SLC2A3: variants seen among roughly 807,000 people sequenced by gnomAD.
The protein encoded by SLC2A3 is solute carrier family 2 member 3, also known as solute carrier family 2, facilitated glucose transporter member 3.
Under a neutral mutation model 46.4 loss-of-function variants are expected in SLC2A3, and 21 were observed. The observed-to-expected ratio is 0.45, with a 90% CI of 0.32 to 0.65. The LOEUF is 0.65. Ranked by LOEUF, SLC2A3 falls within the 30% of genes least tolerant of loss-of-function variation. The pLI is 0.04. For synonymous variants in SLC2A3, 213 were observed against 239.4 expected (o/e 0.89, Z 1.02); for missense variants, 499 against 623.3 (o/e 0.80, Z 2.12).
chr12:7,922,328 G>C (rs112090200), intron 9 of SLC2A3, among the ~76,000 whole-genome samples: 4,431 of 152,180 alleles, frequency 0.029, 207 homozygotes, highest in African/African-American at 0.099. Context: ...GCCTCTCAAA[G>C]TGCTGGAATT....
chr12:7,929,775 A>C lies in SLC2A3; in HGVS notation c.770T>G (p.Val257Gly), dbSNP rs536536897. The C allele has an allele frequency of 5.0e-6, 8 of 1,613,728 alleles. No individual in the cohort carries two copies. Among genetic ancestry groups the C allele is most frequent in the Non-Finnish European group, 6.8e-6 (8 of 1,179,716 alleles). Residue 257 changes from valine (V) to glycine (G), a missense_variant, in exon 6 of 10, where the codon GTG (valine) becomes GGG (glycine). Around this residue, in one of 5 missense-constraint regions of SLC2A3, gnomAD observed 65 missense variants for 88.4 expected, o/e 0.74. Transcript: ENST00000075120. ...ARMSQEKQVT[V>G]LELFRVSSYR... ...GCTGGACACTCTAAAGAGCTCTAGC[A>C]CGGTGACTTGCTTTTCTTGTGACAT...
chr12:7,929,453 CTT>C (rs11294774), intron 6 of SLC2A3: 570 of 488,990 alleles, frequency 1.2e-3, no homozygotes, highest in South Asian at 1.4e-3. Flanking sequence ...CTTCCAGGGT[CTT>C]TTTTTTTTTT....
chr12:7,929,711 G>C lies in SLC2A3; in HGVS notation c.834C>G (p.Leu278=). ...CATTGATCCCAGAGAGCTGCTGAGA[G>C]AGCTGGAGCACAATGGAAATGATGA... is the stretch of plus-strand genomic sequence containing the variant. ...QPIIISIVLQ[L]SQQLSGINAV... The change falls in exon 6 of 10, where the codon CTC becomes CTG. Residue 278 remains leucine (L), a synonymous_variant. Coordinates refer to ENST00000075120, the MANE Select transcript of SLC2A3 (RefSeq NM_006931.3). 1.2e-6 allele frequency: 2 copies of C among 1,613,430 alleles called. No homozygotes were observed. The highest frequency in any genetic ancestry group is 1.7e-6 in the Non-Finnish European group (2 of 1,179,596).
Position 7,936,165 on chromosome 12 carries a change from A to C in SLC2A3, c.-131T>G. Reference sequence around the variant, plus strand: ...CTCCACGTCCTCAGGAAGGATCCAAAGTCTTACCATTACAGCATCTCTGGG... The same window carrying C: ...CTCCACGTCCTCAGGAAGGATCCAACGTCTTACCATTACAGCATCTCTGGG... On this transcript the variant is annotated 5_prime_UTR_variant, in exon 1 of 10. Transcript: ENST00000075120. The C allele has an allele frequency of 2.5e-6, 2 of 790,668 alleles. No homozygotes were observed. The highest frequency in any genetic ancestry group is 4.5e-6 in the Non-Finnish European group (2 of 442,106). The allele number at this position is 790,668 out of a possible 1,614,324, so 49.0% of individuals were successfully genotyped here. A position where few individuals can be genotyped will look rare whatever the true frequency, so the allele number is the denominator to read the frequency against.
At chr12:7,928,347 G>C (rs1324496693) in intron 6 of SLC2A3, among the ~76,000 whole-genome samples, 1 of 151,852 alleles carries the variant, frequency 6.6e-6, no homozygotes, top group Non-Finnish European at 1.5e-5. Flanking sequence ...GCAGTGAGCC[G>C]AGATCGTGCC....
Position 7,924,451 on chromosome 12 carries a change from C to A in SLC2A3, c.1027G>T (p.Ala343Ser). ...ACAGTCATGAGCGTGGAACAAAAAG[C>A]CATCCCTCCAAGGCCTATCATATGC... ...TLHMIGLGGM[A>S]FCSTLMTVSL... The change falls in exon 8 of 10, where the codon GCT becomes TCT. Residue 343 changes from alanine to serine, a missense_variant. By Grantham distance (99) the Ala-to-Ser change is moderately conservative (BLOSUM62 1). This residue lies in a region of SLC2A3 where 179 missense variants were observed against 205.1 expected (regional missense o/e 0.87). Transcript: ENST00000075120. 1 of 1,610,734 alleles carries A rather than the reference C, an allele frequency of 6.2e-7. No homozygotes were observed. The highest frequency in any genetic ancestry group is 8.5e-7 in the Non-Finnish European group (1 of 1,179,146).
intron 9 of SLC2A3, 52 bp downstream of exon 9, chr12:7,922,769 T>G: frequency 6.2e-7 from 1 of 1,610,706 alleles, no homozygotes; most frequent in Non-Finnish European, 8.5e-7. Context: ...TTAAGGAGTA[T>G]CTTCATGTCA....
intron 9 of SLC2A3, 147 bp downstream of exon 9, chr12:7,922,674 C>T: frequency 8.7e-7 from 1 of 1,153,220 alleles, no homozygotes; most frequent in Non-Finnish European, 1.2e-6. Flanking sequence ...GAACTCCTGA[C>T]CTCAGGTGAT....
At chr12:7,935,902 G>T in intron 1 of SLC2A3, 118 bp downstream of exon 1, 1 of 843,502 alleles carries the variant, frequency 1.2e-6, no homozygotes, top group Non-Finnish European at 2.1e-6. Flanking sequence ...GAAATGAAAA[G>T]GCCTTAAGAT....
chr12:7,933,115 C>T lies in SLC2A3; in HGVS notation c.141G>A (p.Thr47=), dbSNP rs773026084. The change falls in exon 3 of 10, where the codon ACG becomes ACA. Residue 47 remains threonine (T), a synonymous_variant. Coordinates refer to ENST00000075120, the MANE Select transcript of SLC2A3 (RefSeq NM_006931.3). Reference sequence around the variant, plus strand: ...CAGAGGGTGGGGCATTTCCCTTGTCCGTCAAAGTTTTATTGATAAATTCCT... The same window carrying T: ...CAGAGGGTGGGGCATTTCCCTTGTCTGTCAAAGTTTTATTGATAAATTCCT... ...IIKEFINKTL[T]DKGNAPPSEV... The T allele has an allele frequency of 1.4e-5, 23 of 1,613,876 alleles. No homozygotes were observed. Among genetic ancestry groups the T allele is most frequent in the East Asian group, 4.5e-5 (2 of 44,898 alleles).
rs147728170 is a variant in SLC2A3, at chr12:7,929,838, G to A, written c.707C>T (p.Ser236Phe). The A allele has an allele frequency of 6.2e-7, 1 of 1,613,602 alleles. No homozygotes were observed. Among genetic ancestry groups the A allele is most frequent in the Non-Finnish European group, 8.5e-7 (1 of 1,179,768 alleles). ...LQRLWGTQDV[S>F]QDIQEMKDES... ...ATCTTTCATCTCCTGGATGTCTTGG[G>A]ATACATCCTGGGTGCCCCACAACCG... Residue 236 changes from serine (S) to phenylalanine (F), a missense_variant, in exon 6 of 10, where the codon TCC (serine) becomes TTC (phenylalanine). Ser to Phe is a radical substitution (Grantham distance 155). Around this residue, in one of 5 missense-constraint regions of SLC2A3, gnomAD observed 5 missense variants for 22.9 expected, o/e 0.22. Transcript: ENST00000075120.
chr12:7,923,604 AC>A (rs1214833861), intron 8 of SLC2A3, among the ~76,000 whole-genome samples: 1 of 151,510 alleles, frequency 6.6e-6, no homozygotes, highest in Non-Finnish European at 1.5e-5. Flanking sequence ...ACAGAGTGAA[AC>A]CCTGTCTCAA....
At chr12:7,933,401 T>C (rs1481223810) in intron 2 of SLC2A3, 6 of 558,796 alleles carry the variant, frequency 1.1e-5, no homozygotes, top group South Asian at 2.2e-5. Flanking sequence ...CCCAGCTTCT[T>C]TGTAACTAAC....
At chr12:7,931,773 T>C (rs1946158451) in intron 3 of SLC2A3, among the ~76,000 whole-genome samples, 1 of 151,880 alleles carries the variant, frequency 6.6e-6, no homozygotes, top group Non-Finnish European at 1.5e-5. Flanking sequence ...AAGACCCTCT[T>C]TCTTGGGGGG....
At chr12:7,921,710 T>G (rs1380604526) in intron 9 of SLC2A3, 79 bp from the exon 10 acceptor site, 1 of 1,443,660 alleles carries the variant, frequency 6.9e-7, no homozygotes, top group East Asian at 2.4e-5. Flanking sequence ...ACATTCATAT[T>G]TCCAATAGGC....
chr12:7,925,862 AG>A lies in SLC2A3; in HGVS notation c.947del (p.Thr316IlefsTer5). ...YATIGAGVVNTIFTVVSLFLV... is the reference protein window; with the variant it reads ...YATIGAGVVNXIFTVVSLFLV... ...AACTTACAGAAACTACAGTGAAGATAGTATTAACCACACCCGCGCCGATGGT... is the reference window on the plus strand; with the variant it reads ...AACTTACAGAAACTACAGTGAAGATATATTAACCACACCCGCGCCGATGGT... On this transcript the variant is annotated frameshift_variant, in exon 7 of 10. Coordinates refer to ENST00000075120, the MANE Select transcript of SLC2A3 (RefSeq NM_006931.3). LOFTEE classifies it high-confidence loss of function. 1 of 1,612,810 alleles carries A rather than the reference AG, an allele frequency of 6.2e-7. No individual in the cohort carries two copies. The highest frequency in any genetic ancestry group is 8.5e-7 in the Non-Finnish European group (1 of 1,179,000).
intron 6 of SLC2A3, among the ~76,000 whole-genome samples, chr12:7,927,211 A>G (rs1946104974): frequency 6.6e-6 from 1 of 152,110 alleles, no homozygotes; most frequent in South Asian, 2.1e-4. Context: ...TTATTGAAAA[A>G]CCTGCTGCTC....
At chr12:7,935,521 C>A (rs894661730) in intron 1 of SLC2A3, among the ~76,000 whole-genome samples, 1 of 152,194 alleles carries the variant, frequency 6.6e-6, no homozygotes. Context: ...GTATGTCCTG[C>A]ACTCACGATT....
At chr12:7,934,002 T>C (rs1311186832) in intron 1 of SLC2A3, 100 bp from the exon 2 acceptor site, 2 of 1,123,552 alleles carry the variant, frequency 1.8e-6, no homozygotes, top group Non-Finnish European at 2.6e-6. Context: ...ATTTGAGTTA[T>C]GAGTGGTATG....
Sources: allele counts gnomAD v4.1 joint callset (sites outside exome capture counted in the v4.1 genomes callset), GRCh38; gene constraint gnomAD v4.1.1; regional missense constraint gnomAD v4.1.1; transcripts MANE v1.5; gene names NCBI Gene and HGNC (gene_info 2026-07-23, HGNC 2026-07-21).